The following LRRC4C variants were observed in gnomAD, a reference collection of about 807,000 sequenced individuals.
The protein encoded by LRRC4C is leucine-rich repeat-containing protein 4C.
Under a neutral mutation model 33.6 loss-of-function variants are expected in LRRC4C, and 5 were observed. The observed-to-expected ratio is 0.15, with a 90% CI of 0.08 to 0.31. The LOEUF (loss-of-function observed/expected upper bound fraction) is 0.31, where lower values mean the gene tolerates loss of function less well. Ranked by LOEUF, LRRC4C falls within the 10% of genes least tolerant of loss-of-function variation. The probability of loss-of-function intolerance (pLI) is 1.00; values close to 1 mark genes in which losing one functional copy is unlikely to be tolerated. For missense variants in LRRC4C, 560 were observed against 796.7 expected (o/e 0.70, Z 3.58); for synonymous variants, 329 against 302.0 (o/e 1.09, Z -0.93).
At chr11:40,136,602 T>A (rs1294017807) in intron 6 of LRRC4C, among the ~76,000 whole-genome samples, 3 of 152,038 alleles carry the variant, frequency 2.0e-5, no homozygotes, top group Non-Finnish European at 4.4e-5. Context: ...TCTTACCTAC[T>A]CGCTTCAATC....
At chr11:40,237,740 A>G (rs1865663870) in intron 5 of LRRC4C, among the ~76,000 whole-genome samples, 1 of 152,210 alleles carries the variant, frequency 6.6e-6, no homozygotes, top group African/African-American at 2.4e-5. Context: ...AGTATGAAAT[A>G]TCTATGCCCT....
intron 5 of LRRC4C, among the ~76,000 whole-genome samples, chr11:40,157,558 A>G (rs1332923573): frequency 1.3e-5 from 2 of 152,092 alleles, no homozygotes; most frequent in East Asian, 1.9e-4. Context: ...CATACAAATC[A>G]GTAAGAAAAA....
chr11:40,917,977 A>T (rs957928352), intron 2 of LRRC4C, among the ~76,000 whole-genome samples: 4 of 152,178 alleles, frequency 2.6e-5, no homozygotes, highest in Non-Finnish European at 5.9e-5. Context: ...TGAGCATAGC[A>T]GCAAGGTATT....
At chr11:40,924,525 A>C (rs1957335334) in intron 2 of LRRC4C, among the ~76,000 whole-genome samples, 1 of 152,150 alleles carries the variant, frequency 6.6e-6, no homozygotes, top group Admixed American at 6.6e-5. Flanking sequence ...GAGAAAGATT[A>C]GTTAATGGTA....
chr11:40,167,936 G>A (rs754549438), intron 5 of LRRC4C, among the ~76,000 whole-genome samples: 33 of 151,896 alleles, frequency 2.2e-4, no homozygotes, highest in Non-Finnish European at 1.3e-4. Flanking sequence ...CCCAGCTACC[G>A]GGGAGGCTGA....
intron 1 of LRRC4C, among the ~76,000 whole-genome samples, chr11:41,003,934 C>T (rs114854135): frequency 3.5e-4 from 53 of 152,038 alleles, no homozygotes; most frequent in African/African-American, 1.3e-3. Context: ...CTCCAAAGGT[C>T]ACATTCCAAA....
At chr11:41,265,757 G>A (rs1445634875) in intron 1 of LRRC4C, among the ~76,000 whole-genome samples, 1 of 151,978 alleles carries the variant, frequency 6.6e-6, no homozygotes, top group African/African-American at 2.4e-5. Flanking sequence ...TACAATTACA[G>A]CTAGGAGGGA....
intron 2 of LRRC4C, among the ~76,000 whole-genome samples, chr11:40,780,852 G>T (rs943843166): frequency 1.3e-5 from 2 of 151,794 alleles, no homozygotes; most frequent in Admixed American, 1.3e-4. Context: ...TCTTATGCAG[G>T]TGAAGAGGTC....
chr11:40,380,221 G>C (rs375290437), intron 3 of LRRC4C, among the ~76,000 whole-genome samples: 2 of 152,238 alleles, frequency 1.3e-5, no homozygotes, highest in Admixed American at 6.5e-5. Context: ...TGAAACAGGC[G>C]TTCTAGATGG....
intron 5 of LRRC4C, among the ~76,000 whole-genome samples, chr11:40,219,741 T>G (rs112999612): frequency 5.7e-4 from 81 of 142,762 alleles, no homozygotes; most frequent in African/African-American, 2.0e-3. Context: ...GGGAAGAAAT[T>G]GGGGGGGTGG....
chr11:41,059,547 C>T (rs1432013806), intron 1 of LRRC4C, among the ~76,000 whole-genome samples: 1 of 151,956 alleles, frequency 6.6e-6, no homozygotes, highest in Non-Finnish European at 1.5e-5. Flanking sequence ...ATAGGAGTTT[C>T]TTCTTCTTTT....
At chr11:41,309,956 C>T (rs541113135) in intron 1 of LRRC4C, among the ~76,000 whole-genome samples, 1 of 152,202 alleles carries the variant, frequency 6.6e-6, no homozygotes, top group Non-Finnish European at 1.5e-5. Context: ...TCTTCAACTG[C>T]GCTTTGATGT....
At chr11:40,990,850 T>A (rs1853490506) in intron 1 of LRRC4C, among the ~76,000 whole-genome samples, 1 of 152,172 alleles carries the variant, frequency 6.6e-6, no homozygotes, top group South Asian at 2.1e-4. Flanking sequence ...TACATTTTTT[T>A]AAGTATTCTG....
chr11:41,024,924 C>G (rs1286607754), intron 1 of LRRC4C, among the ~76,000 whole-genome samples: 1 of 151,362 alleles, frequency 6.6e-6, no homozygotes, highest in Non-Finnish European at 1.5e-5. Context: ...TTAAATTTTT[C>G]ATTGTTATTA....
At chr11:40,643,961 T>TCTA (rs1214492600) in intron 3 of LRRC4C, among the ~76,000 whole-genome samples, 1 of 152,166 alleles carries the variant, frequency 6.6e-6, no homozygotes, top group Non-Finnish European at 1.5e-5. Context: ...AACTACGTAT[T>TCTA]CTACCAACAA....
intron 5 of LRRC4C, among the ~76,000 whole-genome samples, chr11:40,151,034 G>A (rs899303904): frequency 1.3e-5 from 2 of 152,134 alleles, no homozygotes; most frequent in Admixed American, 6.5e-5. Flanking sequence ...GCCTGCAAGA[G>A]TATTTGTGTC....
chr11:40,525,015 T>C (rs116374550), intron 3 of LRRC4C, among the ~76,000 whole-genome samples: 2,162 of 152,106 alleles, frequency 0.014, 56 homozygotes, highest in African/African-American at 0.049. Context: ...TGGGTAGTGA[T>C]TAGCTGTGTG....
At chr11:40,735,460 T>C (rs1193982637) in intron 2 of LRRC4C, among the ~76,000 whole-genome samples, 32 of 148,246 alleles carry the variant, frequency 2.2e-4, no homozygotes, top group South Asian at 4.4e-4. Context: ...TGGTTTCCAG[T>C]TTCATCCATG....
intron 1 of LRRC4C, among the ~76,000 whole-genome samples, chr11:41,129,458 C>A (rs183949699): frequency 6.6e-6 from 1 of 151,866 alleles, no homozygotes; most frequent in African/African-American, 2.4e-5. Flanking sequence ...TTTTTCAGCA[C>A]ACCTACCTTT....
Sources: allele counts gnomAD v4.1 joint callset (sites outside exome capture counted in the v4.1 genomes callset), GRCh38; gene constraint gnomAD v4.1.1; transcripts MANE v1.5; gene names NCBI Gene and HGNC (gene_info 2026-07-23, HGNC 2026-07-21).